The following ZRANB3 variants were observed in gnomAD, a reference collection of about 807,000 sequenced individuals.
The protein encoded by ZRANB3 is DNA annealing helicase and endonuclease ZRANB3.
ZRANB3 carries 125 observed loss-of-function variants against 133.8 expected under a neutral mutation model. The observed-to-expected ratio is 0.93, with a 90% CI of 0.81 to 1.08. ZRANB3 has a LOEUF of 1.08. Among genes scored for constraint, ZRANB3 ranks in the 50% least tolerant of loss-of-function variants. The pLI, the probability that ZRANB3 is intolerant of heterozygous loss-of-function variation, is 0.00. For synonymous variants in ZRANB3, 387 were observed against 432.7 expected (o/e 0.89, Z 1.31); for missense variants, 1,229 against 1,275.5 (o/e 0.96, Z 0.56).
intron 2 of ZRANB3, among the ~76,000 whole-genome samples, chr2:135,392,652 G>A (rs894758697): frequency 6.6e-6 from 1 of 152,030 alleles, no homozygotes. Context: ...GGGAGGCTGA[G>A]CAGGAGAAAC....
intron 2 of ZRANB3, among the ~76,000 whole-genome samples, chr2:135,459,484 C>A (rs905561839): frequency 6.6e-5 from 10 of 152,130 alleles, no homozygotes; most frequent in African/African-American, 2.4e-4. Context: ...TATAAATGTC[C>A]TATTACTATT....
intron 1 of ZRANB3, chr2:135,510,397 CATT>C: frequency 3.1e-6 from 1 of 327,832 alleles, no homozygotes; most frequent in Non-Finnish European, 5.5e-6. Flanking sequence ...GAGCACACAT[CATT>C]AACACACAAA....
intron 2 of ZRANB3, among the ~76,000 whole-genome samples, chr2:135,406,876 G>A (rs887861189): frequency 2.0e-5 from 3 of 152,130 alleles, no homozygotes; most frequent in Non-Finnish European, 2.9e-5. Context: ...TACTGAATGG[G>A]CAAAAACTGG....
intron 2 of ZRANB3, among the ~76,000 whole-genome samples, chr2:135,435,996 A>G (rs560080804): frequency 5.0e-4 from 76 of 152,216 alleles, no homozygotes; most frequent in African/African-American, 1.8e-3. Context: ...ATTAGATCCC[A>G]CTTGTCAACT....
At position 135,508,210 on chromosome 2, in the gene ZRANB3, T is replaced by C. The variant is rs140633073; in HGVS notation, c.-7-3714A>G. On this transcript the variant is annotated intron_variant, in intron 1 of 20. Coordinates refer to ENST00000264159, the MANE Select transcript of ZRANB3 (RefSeq NM_032143.4). The stretch of plus-strand genomic sequence containing the variant: ...TGGAGTGCAGTGGCACGATCTCGGC[T>C]CACTGCAAGCTCCGCCTCCTGGGTT... Among the ~76,000 whole-genome samples the C allele has an allele frequency of 2.9e-3, 449 of 152,296 alleles. 2 individuals are homozygous for C. Among genetic ancestry groups the C allele is most frequent in the African/African-American group, 0.01 (425 of 41,564 alleles).
At chr2:135,251,948 T>C (rs1679420258) in intron 12 of ZRANB3, among the ~76,000 whole-genome samples, 2 of 152,102 alleles carry the variant, frequency 1.3e-5, no homozygotes, top group South Asian at 4.1e-4. Flanking sequence ...GGCAGGAGAA[T>C]TGCTTGAACC....
chr2:135,504,402 G>A lies in ZRANB3; in HGVS notation c.88C>T (p.Pro30Ser). The A allele has an allele frequency of 1.9e-6, 3 of 1,613,536 alleles. No homozygotes were observed. The highest frequency in any genetic ancestry group is 2.5e-6 in the Non-Finnish European group (3 of 1,179,678). Reference protein sequence around the residue: ...NESDNLLDFLPDRLRAKLLPF... With the variant: ...NESDNLLDFLSDRLRAKLLPF... ...AGTAGCTTTGCTCTTAGTCTGTCAG[G>A]CAAAAAATCCAGCAGATTATCAGAT... The change falls in exon 2 of 21, where the codon CCT becomes TCT. Residue 30 changes from proline (P) to serine (S), a missense_variant. Physicochemically the swap from Pro to Ser is moderately conservative, Grantham distance 74. Transcript: ENST00000264159.
intron 2 of ZRANB3, among the ~76,000 whole-genome samples, chr2:135,444,531 G>A (rs1689931039): frequency 6.6e-6 from 1 of 151,946 alleles, no homozygotes; most frequent in Non-Finnish European, 1.5e-5. Context: ...GCTGGTGACT[G>A]GAAAAAAATA....
rs146337811 is a variant in ZRANB3, at chr2:135,431,339, T to C, written c.162-40519A>G. ...TGTAAAAAAAAGTAGATGATATATATTGATTATATATTACCAAATATTATA... is the reference window on the plus strand; with the variant it reads ...TGTAAAAAAAAGTAGATGATATATACTGATTATATATTACCAAATATTATA... On this transcript the variant is annotated intron_variant, in intron 2 of 20. Coordinates refer to ENST00000264159, the MANE Select transcript of ZRANB3 (RefSeq NM_032143.4). Among the ~76,000 whole-genome samples the C allele has an allele frequency of 4.6e-5, 7 of 150,688 alleles. No homozygotes were observed. The East Asian group carries it at 1.4e-3, about 29-fold the overall frequency.
At chr2:135,249,211 G>A (rs1259515370) in intron 12 of ZRANB3, among the ~76,000 whole-genome samples, 1 of 152,218 alleles carries the variant, frequency 6.6e-6, no homozygotes, top group East Asian at 1.9e-4. Context: ...GCTAAAAGCA[G>A]AACTACCATT....
intron 6 of ZRANB3, among the ~76,000 whole-genome samples, chr2:135,316,703 C>T (rs1282843300): frequency 6.6e-6 from 1 of 152,084 alleles, no homozygotes; most frequent in Non-Finnish European, 1.5e-5. Context: ...CACGGTGGCT[C>T]ACGCCCGTAA....
intron 12 of ZRANB3, among the ~76,000 whole-genome samples, chr2:135,246,395 G>A (rs1045652831): frequency 6.6e-6 from 1 of 152,100 alleles, no homozygotes; most frequent in Non-Finnish European, 1.5e-5. Context: ...TTTTCATAAA[G>A]TGTTCTCTTT....
chr2:135,265,717 AG>A, intron 11 of ZRANB3, 31 bp from the exon 12 acceptor site: 1 of 1,599,190 alleles, frequency 6.3e-7, no homozygotes, highest in Non-Finnish European at 8.5e-7. Flanking sequence ...TGAATTTTTG[AG>A]CAGTTCACCT....
At chr2:135,496,384 T>TAAAAAA (rs56770947) in intron 2 of ZRANB3, among the ~76,000 whole-genome samples, 45 of 33,318 alleles carry the variant, frequency 1.4e-3, no homozygotes, top group Non-Finnish European at 3.2e-3. Flanking sequence ...AACTCCATCT[T>TAAAAAA]AAAAAAAAAA....
At chr2:135,531,024 T>C (rs1321537736) in intron 1 of ZRANB3, 103 bp downstream of exon 1, 1 of 152,242 alleles carries the variant, frequency 6.6e-6, no homozygotes, top group Non-Finnish European at 1.5e-5. Context: ...GCCAACCCCT[T>C]AAGCAGCATG....
intron 2 of ZRANB3, among the ~76,000 whole-genome samples, chr2:135,417,295 G>A (rs1285339401): frequency 2.6e-5 from 4 of 151,932 alleles, no homozygotes; most frequent in African/African-American, 9.7e-5. Context: ...CAAAAAGTGG[G>A]CAAAGGATAT....
At chr2:135,510,685 C>A in intron 1 of ZRANB3, 1 of 792,694 alleles carries the variant, frequency 1.3e-6, no homozygotes, top group African/African-American at 1.7e-5. Context: ...TCGTCAGTCC[C>A]CTTCCCTGGC....
chr2:135,210,175 T>C (rs183456304), intron 17 of ZRANB3, among the ~76,000 whole-genome samples: 1 of 152,296 alleles, frequency 6.6e-6, no homozygotes, highest in East Asian at 1.9e-4. Context: ...GGAGTCTGAC[T>C]GACATCCCTG....
At chr2:135,417,156 C>T (rs1688618816) in intron 2 of ZRANB3, among the ~76,000 whole-genome samples, 1 of 152,128 alleles carries the variant, frequency 6.6e-6, no homozygotes, top group South Asian at 2.1e-4. Flanking sequence ...AAGAAACTAC[C>T]ATCAGAGTGA....
Sources: gnomAD v4.1 joint callset for allele counts (sites outside exome capture counted in the v4.1 genomes callset) on GRCh38, gnomAD v4.1.1 for gene constraint, MANE v1.5 for transcripts, NCBI Gene and HGNC (gene_info 2026-07-23, HGNC 2026-07-21) for gene names.